The following PPP6R2 variants were observed in gnomAD, a reference collection of about 807,000 sequenced individuals.
PPP6R2 encodes serine/threonine-protein phosphatase 6 regulatory subunit 2.
Under a neutral mutation model 100.2 loss-of-function variants are expected in PPP6R2, and 62 were observed. The ratio of observed to expected loss-of-function variants is 0.62; its 90% confidence interval spans 0.50 to 0.76. The LOEUF (loss-of-function observed/expected upper bound fraction) is 0.76. PPP6R2 is among the 30% of genes least tolerant of loss of function. The pLI, the probability that PPP6R2 is intolerant of heterozygous loss-of-function variation, is 0.00. For synonymous variants in PPP6R2, 525 were observed against 514.7 expected (o/e 1.02, Z -0.27); for missense variants, 1,142 against 1,276.3 (o/e 0.89, Z 1.60).
chr22:50,333,533 C>A, the PPP6R2 span, among the ~76,000 whole-genome samples: 2 of 152,036 alleles, frequency 1.3e-5, no homozygotes, highest in Non-Finnish European at 2.9e-5. Context: ...CAGGTTTCAC[C>A]GTGTTAGCCA....
chr22:50,340,054 GGT>G (rs562949464), upstream of PPP6R2, among the ~76,000 whole-genome samples: 198 of 130,348 alleles, frequency 1.5e-3, 1 homozygote, highest in African/African-American at 5.3e-3. Flanking sequence ...TTTAGGGTGT[GGT>G]GTGTGGTGTG....
intron 2 of PPP6R2, among the ~76,000 whole-genome samples, chr22:50,391,432 CAAAA>C (rs57682271): frequency 6.1e-5 from 4 of 65,294 alleles, no homozygotes; most frequent in Admixed American, 2.1e-4. Flanking sequence ...GACTCCGTCT[CAAAA>C]AAAAAAAAAA....
chr22:50,441,337 G>T (rs2065563735), intron 22 of PPP6R2, among the ~76,000 whole-genome samples: 1 of 152,228 alleles, frequency 6.6e-6, no homozygotes, highest in Non-Finnish European at 1.5e-5. Context: ...AGGGACTTGG[G>T]GGAGCAGCCC....
chr22:50,368,125 C>T lies in PPP6R2; in HGVS notation c.-147-3895C>T, dbSNP rs1424256370. Reference sequence around the variant, plus strand: ...AATTCTGCTACTGCTATCTAGAAGGCGGAGCCAGGTGTACAGGGCGAAACA... The same window carrying T: ...AATTCTGCTACTGCTATCTAGAAGGTGGAGCCAGGTGTACAGGGCGAAACA... On this transcript the variant is annotated intron_variant, in intron 1 of 23. Transcript: ENST00000612753. Among the ~76,000 whole-genome samples, 4 of 152,226 alleles carry T rather than the reference C, an allele frequency of 2.6e-5. No individual in the cohort carries two copies. The East Asian group carries it at 5.8e-4, about 22-fold the overall frequency.
At chr22:50,439,914 A>T in intron 20 of PPP6R2, 47 bp from the exon 21 acceptor site, 1 of 1,607,540 alleles carries the variant, frequency 6.2e-7, no homozygotes, top group East Asian at 2.2e-5. Flanking sequence ...CAGGGCCAGG[A>T]GGCACCTGTC....
intron 1 of PPP6R2, among the ~76,000 whole-genome samples, chr22:50,367,751 A>G (rs1383656898): frequency 6.6e-6 from 1 of 152,160 alleles, no homozygotes; most frequent in Non-Finnish European, 1.5e-5. Context: ...CCAGCCCTAC[A>G]GGGCCTGTGG....
intron 8 of PPP6R2, among the ~76,000 whole-genome samples, chr22:50,419,715 G>C (rs1427261350): frequency 6.6e-6 from 1 of 152,222 alleles, no homozygotes; most frequent in East Asian, 1.9e-4. Flanking sequence ...TGCATTTGTC[G>C]ATGTGCGTGG....
intron 3 of PPP6R2, among the ~76,000 whole-genome samples, chr22:50,406,114 C>A (rs1335468012): frequency 1.6e-5 from 2 of 122,772 alleles, no homozygotes; most frequent in African/African-American, 6.5e-5. Flanking sequence ...GGTGAGAGAC[C>A]TGGCAGGCGA....
intron 3 of PPP6R2, among the ~76,000 whole-genome samples, chr22:50,402,657 G>A (rs188802742): frequency 1.5e-3 from 228 of 152,190 alleles, no homozygotes; most frequent in African/African-American, 5.3e-3. Context: ...CTCCATTCTT[G>A]TCTTTTTAAT....
chr22:50,433,061 G>A (rs559390964), intron 12 of PPP6R2, among the ~76,000 whole-genome samples: 4 of 152,396 alleles, frequency 2.6e-5, no homozygotes, highest in African/African-American at 7.2e-5. Flanking sequence ...TGAGAGCAGT[G>A]TCTGTTTCCT....
chr22:50,368,617 A>T (rs770101380), intron 1 of PPP6R2, among the ~76,000 whole-genome samples: 2 of 152,148 alleles, frequency 1.3e-5, no homozygotes, highest in Non-Finnish European at 2.9e-5. Context: ...TTTATTTATT[A>T]TACTGGAACA....
chr22:50,338,546 T>TA, upstream of PPP6R2, among the ~76,000 whole-genome samples: 1 of 127,928 alleles, frequency 7.8e-6, no homozygotes, highest in Middle Eastern at 4.5e-3. Flanking sequence ...GGGTGTGTGG[T>TA]GTGTGTGGTA....
At chr22:50,356,378 A>G (rs936069930) in intron 1 of PPP6R2, among the ~76,000 whole-genome samples, 11 of 149,978 alleles carry the variant, frequency 7.3e-5, no homozygotes, top group East Asian at 2.0e-4. Flanking sequence ...TCGTTGTCAC[A>G]GAAGTCTCAA....
In PPP6R2 at chr22:50,431,463, G is replaced by A. The variant is rs1329926300; in HGVS notation, c.1335+81G>A. ...GTCCATGTCAGCGCTGACGTGTGCCGGACCTCACTGTGCAGCTGACACGGG... is the reference window on the plus strand; with the variant it reads ...GTCCATGTCAGCGCTGACGTGTGCCAGACCTCACTGTGCAGCTGACACGGG... On this transcript the variant is annotated intron_variant, in intron 11 of 23. Transcript: ENST00000612753. The surrounding 1 kb of genome is among the most constrained non-coding windows in gnomAD (Gnocchi z 4.8). 46 of 1,278,592 alleles carry A rather than the reference G, an allele frequency of 3.6e-5. No homozygotes were observed. The highest frequency in any genetic ancestry group is 3.0e-4 in the South Asian group (23 of 76,796). 79.2% of individuals were successfully genotyped at this position (1,278,592 alleles called of 1,614,324 possible).
At chr22:50,408,176 G>A (rs999612807) in intron 4 of PPP6R2, among the ~76,000 whole-genome samples, 2 of 152,134 alleles carry the variant, frequency 1.3e-5, no homozygotes, top group Non-Finnish European at 2.9e-5. Context: ...TGTGAGCCAC[G>A]ATGCCCAGCT....
intron 22 of PPP6R2, 119 bp downstream of exon 22, chr22:50,441,145 C>T: frequency 1.1e-6 from 1 of 908,968 alleles, no homozygotes; most frequent in African/African-American, 1.7e-5. Context: ...CTTCTCCACA[C>T]TGCCTCCCCC....
At chr22:50,365,540 G>A (rs1003993595) in intron 1 of PPP6R2, among the ~76,000 whole-genome samples, 4 of 151,842 alleles carry the variant, frequency 2.6e-5, no homozygotes, top group Admixed American at 6.6e-5. Context: ...TTAGCCCGGC[G>A]TGGTGGCGGG....
chr22:50,340,366 TGTG>T (rs2042358637), upstream of PPP6R2, among the ~76,000 whole-genome samples: 1 of 133,644 alleles, frequency 7.5e-6, no homozygotes, highest in Non-Finnish European at 1.6e-5. Context: ...GTATGGAGTG[TGTG>T]GTATGTGGTG....
intron 3 of PPP6R2, among the ~76,000 whole-genome samples, chr22:50,395,564 T>G (rs1167487116): frequency 6.6e-6 from 1 of 152,112 alleles, no homozygotes; most frequent in African/African-American, 2.4e-5. Context: ...ACATTATTTT[T>G]TATTTTAGTT....
Sources: allele counts gnomAD v4.1 joint callset (sites outside exome capture counted in the v4.1 genomes callset), GRCh38; gene constraint gnomAD v4.1.1; non-coding constraint Gnocchi (gnomAD v3.1); transcripts MANE v1.5; gene names NCBI Gene and HGNC (gene_info 2026-07-23, HGNC 2026-07-21).